DYM: variants seen among roughly 807,000 people sequenced by gnomAD.
The protein encoded by DYM is dymeclin, also known as dyggve-Melchior-Clausen syndrome protein.
DYM carries 78 observed loss-of-function variants against 93.1 expected under a neutral mutation model. The ratio of observed to expected loss-of-function variants is 0.84; its 90% CI spans 0.70 to 1.01. The LOEUF (loss-of-function observed/expected upper bound fraction) is 1.01. DYM is among the 50% of genes least tolerant of loss of function. DYM has a pLI of 0.00. For synonymous variants in DYM, 321 were observed against 319.7 expected (o/e 1.00, Z -0.04); for missense variants, 789 against 845.0 (o/e 0.93, Z 0.82).
At chr18:49,086,306 G>C (rs2078521743) in intron 17 of DYM, among the ~76,000 whole-genome samples, 1 of 152,174 alleles carries the variant, frequency 6.6e-6, no homozygotes, top group African/African-American at 2.4e-5. Context: ...ATCACATGGG[G>C]AGGGGGCTAA....
At position 49,145,108 on chromosome 18, in the gene DYM, C is replaced by CATAT. The variant is rs56212722; in HGVS notation, c.1728+18573_1728+18576dup. ...TGCAAGATCCCGTCTCAAAAAAATT[C>CATAT]ATATATATATATATATATATATATA... On this transcript the variant is annotated intron_variant, in intron 15 of 17. Transcript: ENST00000675505. Among the ~76,000 whole-genome samples the CATAT allele has an allele frequency of 6.1e-3, 114 of 18,752 alleles. 9 individuals carry two copies. Among genetic ancestry groups the CATAT allele is most frequent in the African/African-American group, 0.011 (92 of 8,450 alleles). 12.3% of individuals were successfully genotyped at this position (18,752 alleles called of 152,430 possible). A position where few individuals can be genotyped will look rare whatever the true frequency, so the allele number is the denominator to read the frequency against.
chr18:49,271,884 A>C (rs1427633761), intron 11 of DYM, among the ~76,000 whole-genome samples: 2 of 152,028 alleles, frequency 1.3e-5, no homozygotes, highest in African/African-American at 4.8e-5. Flanking sequence ...AATTTCTGCC[A>C]CAATGAAAAA....
chr18:49,411,384 A>G (rs772723856), intron 2 of DYM, among the ~76,000 whole-genome samples: 1 of 152,218 alleles, frequency 6.6e-6, no homozygotes, highest in Non-Finnish European at 1.5e-5. Context: ...TTTAAATCTA[A>G]TAAGGAAAAT....
At chr18:49,377,891 A>G (rs890743723) in intron 5 of DYM, among the ~76,000 whole-genome samples, 1 of 152,178 alleles carries the variant, frequency 6.6e-6, no homozygotes, top group Non-Finnish European at 1.5e-5. Context: ...CCCACAAGAG[A>G]TGTTAACATA....
intron 17 of DYM, among the ~76,000 whole-genome samples, chr18:49,062,629 C>G (rs766888351): frequency 2.0e-5 from 3 of 152,236 alleles, no homozygotes; most frequent in Non-Finnish European, 4.4e-5. Context: ...ACAGAACACA[C>G]ACGGGTGGCC....
intron 16 of DYM, among the ~76,000 whole-genome samples, chr18:49,103,693 G>C (rs1385659866): frequency 6.6e-6 from 1 of 152,046 alleles, no homozygotes; most frequent in Non-Finnish European, 1.5e-5. Flanking sequence ...TCTTGTTTTT[G>C]TCAGGTTTGT....
At chr18:49,205,992 G>GTTCTTTTTTTGTTTT (rs2092459240) in intron 14 of DYM, 1 of 55,802 alleles carries the variant, frequency 1.8e-5, no homozygotes, top group Non-Finnish European at 4.8e-5. Context: ...CTAAGGTAGA[G>GTTCTTTTTTTGTTTT]TTTTTTTTTT....
Position 49,364,076 on chromosome 18 carries a change from G to C in DYM, c.422-843C>G, listed in dbSNP as rs543704577. On this transcript the variant is annotated intron_variant, in intron 5 of 17. Transcript: ENST00000675505. ...GTTTCAACTATTGGCATGTTCCCCA[G>C]AGTTCCACCATTGTCATGCTTTTTT... Among the ~76,000 whole-genome samples, 3 of 152,218 alleles carry C rather than the reference G, an allele frequency of 2.0e-5. No individual in the cohort carries two copies. The South Asian group carries it at 6.2e-4, about 32-fold the overall frequency.
At chr18:49,280,587 T>C (rs1374372534) in intron 10 of DYM, among the ~76,000 whole-genome samples, 2 of 152,148 alleles carry the variant, frequency 1.3e-5, no homozygotes, top group Non-Finnish European at 2.9e-5. Flanking sequence ...TTAAAGACTA[T>C]AAGGACAGGG....
chr18:49,384,149 C>G (rs1251104644), intron 3 of DYM, among the ~76,000 whole-genome samples: 3 of 151,586 alleles, frequency 2.0e-5, no homozygotes, highest in Non-Finnish European at 2.9e-5. Context: ...ATCACAAAAC[C>G]CCATCTCTAC....
chr18:49,366,602 G>A (rs2066537153), intron 5 of DYM, among the ~76,000 whole-genome samples: 1 of 152,022 alleles, frequency 6.6e-6, no homozygotes, highest in African/African-American at 2.4e-5. Context: ...GGCCAGCTTG[G>A]GCAACATACC....
rs1387509181 is a variant in DYM at position 49,460,537 on chromosome 18, G to C, written c.-193C>G. ...CCGGCTCAGGCCTCCATGTTTCCAC[G>C]TCTCAGCGGGTACAGATCCGGCTCC... is the stretch of plus-strand genomic sequence containing the variant. On this transcript the variant is annotated 5_prime_UTR_variant, in exon 1 of 18. Transcript: ENST00000675505. 1.3e-5 allele frequency: 2 copies of C among 152,260 alleles called. No homozygotes were observed. The highest frequency in any genetic ancestry group is 2.9e-5 in the Non-Finnish European group (2 of 68,124). The allele number at this position is 152,260 out of a possible 1,614,324, so 9.4% of individuals were successfully genotyped here.
chr18:49,145,980 T>G (rs2085091705), intron 15 of DYM, among the ~76,000 whole-genome samples: 1 of 152,174 alleles, frequency 6.6e-6, no homozygotes, highest in Non-Finnish European at 1.5e-5. Context: ...AACTCCCTAG[T>G]CCCCTTAGTT....
At chr18:49,456,647 C>A (rs1275939407) in intron 1 of DYM, among the ~76,000 whole-genome samples, 1 of 152,042 alleles carries the variant, frequency 6.6e-6, no homozygotes, top group Non-Finnish European at 1.5e-5. Flanking sequence ...AATCACTAAC[C>A]AAACTTCCTT....
chr18:49,426,244 T>C (rs113365141), intron 2 of DYM, among the ~76,000 whole-genome samples: 43 of 151,986 alleles, frequency 2.8e-4, no homozygotes, highest in African/African-American at 8.9e-4. Flanking sequence ...ACGTCCTCTG[T>C]AGGAACATGG....
chr18:49,441,276 T>TTATATATATATATATATAATTATATAA (rs1568454725), intron 1 of DYM, among the ~76,000 whole-genome samples: 3 of 43,296 alleles, frequency 6.9e-5, no homozygotes, highest in South Asian at 1.1e-3. Flanking sequence ...ATAATATATA[T>TTATATATATATATATATAATTATATAA]TATATAATTA....
At chr18:49,079,479 A>AAG (rs2077602995) in intron 17 of DYM, among the ~76,000 whole-genome samples, 1 of 151,834 alleles carries the variant, frequency 6.6e-6, no homozygotes, top group African/African-American at 2.4e-5. Flanking sequence ...TCATAGGACA[A>AAG]TAGTGGAGGG....
At chr18:49,232,864 C>T (rs1223256734) in intron 13 of DYM, among the ~76,000 whole-genome samples, 1 of 151,848 alleles carries the variant, frequency 6.6e-6, no homozygotes, top group African/African-American at 2.4e-5. Context: ...CCACCTCAGC[C>T]TCCCAAAAGT....
intron 17 of DYM, among the ~76,000 whole-genome samples, chr18:49,063,148 T>TA (rs950718211): frequency 1.3e-5 from 2 of 152,128 alleles, no homozygotes; most frequent in Non-Finnish European, 2.9e-5. Flanking sequence ...TTCAGCAAGT[T>TA]AAAAAACAAC....
Sources: allele counts gnomAD v4.1 joint callset (sites outside exome capture counted in the v4.1 genomes callset), GRCh38; gene constraint gnomAD v4.1.1; transcripts MANE v1.5; gene names NCBI Gene and HGNC (gene_info 2026-07-23, HGNC 2026-07-21).